DHX30: variants seen among roughly 807,000 people sequenced by gnomAD.
The protein encoded by DHX30 is DExH-box helicase 30.
A neutral mutation model predicts 116.9 loss-of-function variants in DHX30; 4 were observed. That is an observed-to-expected ratio of 0.03 (90% confidence interval 0.02 to 0.08). The LOEUF (loss-of-function observed/expected upper bound fraction) is 0.08. DHX30 is among the 10% of genes least tolerant of loss of function. The pLI is 1.00. For synonymous variants in DHX30, 697 were observed against 651.7 expected (o/e 1.07, Z -1.06); for missense variants, 871 against 1,595.1 (o/e 0.55, Z 7.73).
Position 47,849,962 on chromosome 3 carries a change from C to T in DHX30, c.3427C>T (p.Arg1143Trp), listed in dbSNP as rs375996704. The T allele has an allele frequency of 4.3e-5, 70 of 1,612,760 alleles. No homozygotes were observed. The highest frequency in any genetic ancestry group is 5.3e-5 in the Non-Finnish European group (62 of 1,179,738). ...RTVRLLKELR[R>W]ALGRMVERSL... The stretch of plus-strand genomic sequence containing the variant: ...CGTGCGGCTGCTGAAGGAGCTGCGG[C>T]GGGCCCTGGGCCGCATGGTGGAGCG... Residue 1143 changes from arginine to tryptophan, a missense_variant, in exon 22 of 22, where the codon CGG becomes TGG. This residue lies in a region of DHX30 where 238 missense variants were observed against 481.0 expected (regional missense o/e 0.49). Transcript: ENST00000445061.
In DHX30 at chr3:47,806,756, A is replaced by G. The variant is rs560244993; in HGVS notation, c.-28+1336A>G. Among the ~76,000 whole-genome samples, 196 of 151,356 alleles carry G rather than the reference A, an allele frequency of 1.3e-3. 1 individual carries two copies. Among genetic ancestry groups the G allele is most frequent in the African/African-American group, 4.5e-3 (185 of 41,308 alleles). On this transcript the variant is annotated intron_variant, in intron 2 of 21. Coordinates refer to ENST00000445061, the MANE Select transcript of DHX30 (RefSeq NM_138615.3). ...CACTGCGCTCAGGCGTGCCTGGCCA[A>G]TTTTTTTTGTATTTTTAGTAGAGAC...
Position 47,843,177 on chromosome 3 carries a change from C to T in DHX30, c.861C>T (p.Pro287=), listed in dbSNP as rs1452681022. 5.0e-6 allele frequency: 8 copies of T among 1,614,278 alleles called. No individual in the cohort carries two copies. Among genetic ancestry groups the T allele is most frequent in the Non-Finnish European group, 6.8e-6 (8 of 1,180,050 alleles). Residue 287 remains proline (P), a synonymous_variant, in exon 9 of 22, where the codon CCC becomes CCT. Coordinates refer to ENST00000445061, the MANE Select transcript of DHX30 (RefSeq NM_138615.3). The part of the protein sequence containing the change: ...LSTLTLLWPC[P]MTFVAKGRRK... ...CACTCACCCTGCTCTGGCCCTGCCC[C>T]ATGACCTTTGTTGCCAAAGGGCGCC...
At chr3:47,831,933 T>C (rs1007838779) in intron 6 of DHX30, among the ~76,000 whole-genome samples, 11 of 148,620 alleles carry the variant, frequency 7.4e-5, no homozygotes, top group Admixed American at 1.3e-4. Context: ...CCTTTTTCTT[T>C]TTTTTTTTTT....
At chr3:47,844,387 A>G (rs1016573356) in intron 9 of DHX30, among the ~76,000 whole-genome samples, 3 of 152,234 alleles carry the variant, frequency 2.0e-5, no homozygotes, top group Non-Finnish European at 4.4e-5. Flanking sequence ...ACGCACTGTG[A>G]GCAGAAGCAC....
At chr3:47,810,618 G>T in intron 2 of DHX30, 39 bp from the exon 3 acceptor site, 1 of 1,541,932 alleles carries the variant, frequency 6.5e-7, no homozygotes, top group East Asian at 2.2e-5. Context: ...GCTGGACCAG[G>T]AATATTAACC....
intron 3 of DHX30, among the ~76,000 whole-genome samples, chr3:47,814,439 A>G (rs1473659645): frequency 2.0e-5 from 3 of 150,652 alleles, no homozygotes; most frequent in African/African-American, 7.3e-5. Flanking sequence ...CAAAAAAAAA[A>G]AAAAAAAAAG....
At chr3:47,828,629 G>C (rs1350806495) in intron 5 of DHX30, among the ~76,000 whole-genome samples, 3 of 151,994 alleles carry the variant, frequency 2.0e-5, no homozygotes, top group East Asian at 1.9e-4. Flanking sequence ...AAATTAGCTG[G>C]GCGTGGTGGT....
chr3:47,840,858 C>T lies in DHX30; in HGVS notation c.367-19C>T, dbSNP rs373032453. On this transcript the variant is annotated intron_variant, in intron 6 of 21. Transcript: ENST00000445061. ...GTAAAGATGGTATCAATCCTTAAAA[C>T]GTCCCTTTTCCCCTCCAGGGTTGGG... 2.2e-5 allele frequency: 35 copies of T among 1,613,864 alleles called. No homozygotes were observed. The highest frequency in any genetic ancestry group is 2.8e-5 in the Non-Finnish European group (33 of 1,179,990).
In DHX30 at chr3:47,848,524, A is replaced by G. The variant is rs781074851; in HGVS notation, c.2549A>G (p.Glu850Gly). ...VDSPNIKAVD[E>G]AVILLQEIGV... is the part of the protein sequence containing the mutation. ...AGTCCAAACATCAAGGCAGTGGACG[A>G]GGCTGTGATCTTGCTCCAGGAGATC... Residue 850 changes from glutamate to glycine, a missense_variant, in exon 16 of 22, where the codon GAG becomes GGG. By Grantham distance (98) the Glu-to-Gly change is moderately conservative. Coordinates refer to ENST00000445061, the MANE Select transcript of DHX30 (RefSeq NM_138615.3). The surrounding 1 kb of genome is among the most constrained non-coding windows in gnomAD (Gnocchi z 9.4). The G allele has an allele frequency of 3.2e-6, 5 of 1,549,982 alleles. No individual in the cohort carries two copies. The highest frequency in any genetic ancestry group is 4.4e-6 in the Non-Finnish European group (5 of 1,141,340).
rs1371187783 is a variant in DHX30 at position 47,848,172 on chromosome 3, T to A, written c.2287-8T>A. 4 of 1,613,250 alleles carry A rather than the reference T, an allele frequency of 2.5e-6. No individual in the cohort carries two copies. The highest frequency in any genetic ancestry group is 1.3e-5 in the African/African-American group (1 of 74,890). ...ATTTGTGTGCTGCTTACTTGCCACCTCCTCCAGGTGTCCTGCCTGGAGACA... is the reference window on the plus strand; with the variant it reads ...ATTTGTGTGCTGCTTACTTGCCACCACCTCCAGGTGTCCTGCCTGGAGACA... On this transcript the variant is annotated splice_polypyrimidine_tract_variant and splice_region_variant and intron_variant, in intron 14 of 21. Coordinates refer to ENST00000445061, the MANE Select transcript of DHX30 (RefSeq NM_138615.3). This position sits in a 1 kb window ranked among gnomAD's most constrained non-coding sequence, Gnocchi z 9.4.
At position 47,841,048 on chromosome 3, in the gene DHX30, G is replaced by A. The variant is rs755216310; in HGVS notation, c.538G>A (p.Gly180Ser). The A allele has an allele frequency of 6.2e-7, 1 of 1,614,138 alleles. No individual in the cohort carries two copies. Among genetic ancestry groups the A allele is most frequent in the South Asian group, 1.1e-5 (1 of 91,082 alleles). ...GAGTATTCGACCAGGGGGACCTGGG[G>A]GCCTATCCCGCTCTTTAGGCCGGGA... is the stretch of plus-strand genomic sequence containing the variant. ...PESIRPGGPG[G>S]LSRSLGREEE... Residue 180 changes from glycine to serine, a missense_variant, in exon 7 of 22, where the codon GGC becomes AGC. Coordinates refer to ENST00000445061, the MANE Select transcript of DHX30 (RefSeq NM_138615.3).
At chr3:47,842,034 T>A (rs1180534396) in intron 8 of DHX30, 2 of 330,702 alleles carry the variant, frequency 6.0e-6, no homozygotes, top group Admixed American at 4.5e-5. Flanking sequence ...AGGTATGAAT[T>A]TCTCTCTTGC....
Position 47,847,332 on chromosome 3 carries a change from T to C in DHX30, c.1989T>C (p.Asp663=). Residue 663 remains aspartate (D), a synonymous_variant, in exon 12 of 22, where the codon GAT becomes GAC. Transcript: ENST00000445061. This position sits in a 1 kb window ranked among gnomAD's most constrained non-coding sequence, Gnocchi z 5.5. ...DLVTDLVLHI[D]ARGEPGGILC... ...TGACTGATCTGGTTCTGCACATCGATGCTCGCGGGGAACCAGGTGGGTGCC... is the reference window on the plus strand; with the variant it reads ...TGACTGATCTGGTTCTGCACATCGACGCTCGCGGGGAACCAGGTGGGTGCC... 2 of 1,614,230 alleles carry C rather than the reference T, an allele frequency of 1.2e-6. No homozygotes were observed. Among genetic ancestry groups the C allele is most frequent in the Non-Finnish European group, 1.7e-6 (2 of 1,180,032 alleles).
chr3:47,841,980 G>A (rs1353167594), intron 8 of DHX30: 6 of 539,252 alleles, frequency 1.1e-5, no homozygotes, highest in Middle Eastern at 5.1e-4. Context: ...TCTTCTGGGC[G>A]GTGGATTGTC....
At chr3:47,830,048 T>A (rs2036770601) in intron 6 of DHX30, among the ~76,000 whole-genome samples, 1 of 151,616 alleles carries the variant, frequency 6.6e-6, no homozygotes, top group Non-Finnish European at 1.5e-5. Flanking sequence ...GCCAGGATGG[T>A]CTCAATCTCC....
Position 47,850,147 on chromosome 3 carries a change from A to AGAG in DHX30, c.*28_*30dup, listed in dbSNP as rs1226975248. On this transcript the variant is annotated 3_prime_UTR_variant, in exon 22 of 22. Transcript: ENST00000445061. Reference sequence around the variant, plus strand: ...CCCTGCTTCTGCTGGGGCTGTGTACAGAGTGCAAATGTTTATTTAAAATAA... The same window carrying AGAG: ...CCCTGCTTCTGCTGGGGCTGTGTACAGAGGAGTGCAAATGTTTATTTAAAATAA... The AGAG allele has an allele frequency of 1.3e-6, 2 of 1,557,720 alleles. No homozygotes were observed. The highest frequency in any genetic ancestry group is 1.7e-6 in the Non-Finnish European group (2 of 1,154,132).
intron 6 of DHX30, among the ~76,000 whole-genome samples, chr3:47,839,350 A>G (rs1173336160): frequency 2.8e-5 from 4 of 142,428 alleles, no homozygotes; most frequent in Admixed American, 7.4e-5. Flanking sequence ...GCTGGAGTGC[A>G]ATGGTGCGAT....
At chr3:47,841,414 T>C (rs1359771840) in intron 7 of DHX30, among the ~76,000 whole-genome samples, 3 of 152,218 alleles carry the variant, frequency 2.0e-5, no homozygotes, top group Admixed American at 6.5e-5. Context: ...TGCTATCTTA[T>C]CTGTGTGAGG....
At chr3:47,829,308 A>AT (rs1411543006) in intron 6 of DHX30, among the ~76,000 whole-genome samples, 174 bp downstream of exon 6, 114 of 28,666 alleles carry the variant, frequency 4.0e-3, no homozygotes, top group Non-Finnish European at 7.8e-3. Context: ...ATATATATAT[A>AT]TATATATTTT....
Sources: allele counts gnomAD v4.1 joint callset (sites outside exome capture counted in the v4.1 genomes callset), GRCh38; gene constraint gnomAD v4.1.1; regional missense constraint gnomAD v4.1.1; non-coding constraint Gnocchi (gnomAD v3.1); transcripts MANE v1.5; gene names NCBI Gene and HGNC (gene_info 2026-07-23, HGNC 2026-07-21).